GRIK1: variants seen among roughly 807,000 people sequenced by gnomAD.
The protein encoded by GRIK1 is glutamate receptor ionotropic, kainate 1.
Under a neutral mutation model 105.7 loss-of-function variants are expected in GRIK1, and 69 were observed. The ratio of observed to expected loss-of-function variants is 0.65; its 90% confidence interval spans 0.54 to 0.80. The LOEUF is 0.80. GRIK1 is among the 30% of genes least tolerant of loss of function. The pLI, the probability that GRIK1 is intolerant of heterozygous loss-of-function variation, is 0.00. For missense variants in GRIK1, 1,109 were observed against 1,167.3 expected, an observed-to-expected ratio of 0.95 and a Z score of 0.73; for synonymous variants, 438 against 431.3, an observed-to-expected ratio of 1.02 and a Z score of -0.19.
At chr21:29,897,295 A>G (rs1373196944) in intron 1 of GRIK1, among the ~76,000 whole-genome samples, 1 of 152,240 alleles carries the variant, frequency 6.6e-6, no homozygotes, top group Non-Finnish European at 1.5e-5. Context: ...ACAAAGAACC[A>G]TTGATCCTGA....
intron 1 of GRIK1, among the ~76,000 whole-genome samples, chr21:29,823,135 A>G (rs1307422370): frequency 6.6e-6 from 1 of 152,028 alleles, no homozygotes; most frequent in Non-Finnish European, 1.5e-5. Context: ...ATGAAATAAA[A>G]TATGCGAACA....
At chr21:29,862,651 G>C (rs1355982871) in intron 1 of GRIK1, among the ~76,000 whole-genome samples, 1 of 152,120 alleles carries the variant, frequency 6.6e-6, no homozygotes, top group Non-Finnish European at 1.5e-5. Context: ...TCATCGCTTT[G>C]TGCAGGTGTA....
chr21:29,689,765 G>A lies in GRIK1; in HGVS notation c.507C>T (p.Asn169=), dbSNP rs763683344. The change falls in exon 3 of 18, where the codon AAC becomes AAT. Residue 169 remains asparagine, a synonymous_variant. Transcript: ENST00000327783. ...RAILDLVLYY[N]WKTVTVVYED... ...CATACACCACTGTCACTGTTTTCCA[G>A]TTGTAATAGAGGACCAGATCCAGGA... 1 of 1,613,922 alleles carries A rather than the reference G, an allele frequency of 6.2e-7. No individual in the cohort carries two copies. The highest frequency in any genetic ancestry group is 8.5e-7 in the Non-Finnish European group (1 of 1,179,824).
intron 1 of GRIK1, among the ~76,000 whole-genome samples, chr21:29,841,919 A>G (rs1245178647): frequency 6.6e-6 from 1 of 152,158 alleles, no homozygotes; most frequent in South Asian, 2.1e-4. Flanking sequence ...TCAAATCTCT[A>G]TAAATACATT....
In GRIK1 at chr21:29,537,187, G is replaced by T. The variant is rs762879553; in HGVS notation, c.*43C>A. 1 of 1,452,846 alleles carries T rather than the reference G, an allele frequency of 6.9e-7. No homozygotes were observed. The highest frequency in any genetic ancestry group is 9.3e-7 in the Non-Finnish European group (1 of 1,076,214). The allele number at this position is 1,452,846 out of a possible 1,614,324, so 90.0% of individuals were successfully genotyped here. A position where few individuals can be genotyped will look rare whatever the true frequency, so the allele number is the denominator to read the frequency against. ...TCAGAAATCCTTTCTCCAAAAATCT[G>T]TAGGGAATGCATCCTTTTTCTTCCT... is the stretch of plus-strand genomic sequence containing the variant. On this transcript the variant is annotated 3_prime_UTR_variant, in exon 18 of 18. Transcript: ENST00000327783.
At chr21:29,705,512 T>C (rs143023024) in intron 1 of GRIK1, among the ~76,000 whole-genome samples, 29 of 152,360 alleles carry the variant, frequency 1.9e-4, no homozygotes, top group Non-Finnish European at 3.4e-4. Context: ...AAACACTTTT[T>C]GAAAAGTTTG....
intron 4 of GRIK1, among the ~76,000 whole-genome samples, chr21:29,671,239 C>T (rs747456349): frequency 3.3e-5 from 5 of 152,024 alleles, no homozygotes; most frequent in Non-Finnish European, 4.4e-5. Flanking sequence ...TCTCCTGCCT[C>T]AGCCTCCCAT....
intron 1 of GRIK1, among the ~76,000 whole-genome samples, chr21:29,773,816 T>C (rs441426): frequency 0.66 from 100,108 of 152,118 alleles, 34,656 homozygotes; most frequent in Non-Finnish European, 0.76. Flanking sequence ...GGCTTGCATG[T>C]ATTTTGTGGA....
chr21:29,907,766 T>C (rs1275261437), intron 1 of GRIK1, among the ~76,000 whole-genome samples: 1 of 152,148 alleles, frequency 6.6e-6, no homozygotes, highest in Non-Finnish European at 1.5e-5. Flanking sequence ...CATAATATGC[T>C]AGTGAATTAA....
rs1229643688 is a variant in GRIK1 at position 29,713,166 on chromosome 21, G to A, written c.119-19103C>T. Among the ~76,000 whole-genome samples the A allele has an allele frequency of 2.6e-5, 4 of 152,196 alleles. No homozygotes were observed. The South Asian group carries it at 8.3e-4, about 32-fold the overall frequency. On this transcript the variant is annotated intron_variant, in intron 1 of 17. Transcript: ENST00000327783. ...AGAGAAATAGAGGGAGCTATATCCA[G>A]TGATAAGAGTGAAGGAGATGCAGAG...
intron 3 of GRIK1, among the ~76,000 whole-genome samples, chr21:29,685,442 GT>G (rs3838081): frequency 1.3e-5 from 2 of 151,576 alleles, no homozygotes; most frequent in African/African-American, 2.4e-5. Flanking sequence ...CAGAATAGGA[GT>G]TTTTTTTGTT....
chr21:29,874,117 C>CCACT (rs2069113104), intron 1 of GRIK1, among the ~76,000 whole-genome samples: 1 of 152,170 alleles, frequency 6.6e-6, no homozygotes, highest in Non-Finnish European at 1.5e-5. Context: ...CACTCGCCTG[C>CCACT]CACTCACTGA....
At chr21:29,606,010 A>T (rs1354411644) in intron 7 of GRIK1, among the ~76,000 whole-genome samples, 1 of 120,450 alleles carries the variant, frequency 8.3e-6, no homozygotes, top group Admixed American at 8.0e-5. Flanking sequence ...AAAAACTTGA[A>T]AATGAAGCAA....
chr21:29,932,852 T>C (rs1266689670), intron 1 of GRIK1, among the ~76,000 whole-genome samples: 1 of 151,702 alleles, frequency 6.6e-6, no homozygotes, highest in Non-Finnish European at 1.5e-5. Flanking sequence ...ATTACATTCC[T>C]GGAAAAGATA....
At chr21:29,701,776 G>T (rs752267191) in intron 1 of GRIK1, among the ~76,000 whole-genome samples, 1 of 152,192 alleles carries the variant, frequency 6.6e-6, no homozygotes, top group South Asian at 2.1e-4. Flanking sequence ...GGTGAGAGAT[G>T]ATGATGGCTT....
At chr21:29,854,119 G>A (rs1223872569) in intron 1 of GRIK1, among the ~76,000 whole-genome samples, 1 of 152,108 alleles carries the variant, frequency 6.6e-6, no homozygotes, top group Admixed American at 6.5e-5. Context: ...GAAGCATGAT[G>A]CCTTCTGGTG....
intron 1 of GRIK1, among the ~76,000 whole-genome samples, chr21:29,814,896 G>A (rs1013950979): frequency 6.6e-6 from 1 of 152,090 alleles, no homozygotes; most frequent in African/African-American, 2.4e-5. Context: ...AGAAAGTCTT[G>A]TTTCAAAGCT....
chr21:29,918,660 GTAAC>G (rs756999384), intron 1 of GRIK1, among the ~76,000 whole-genome samples: 2 of 151,926 alleles, frequency 1.3e-5, no homozygotes, highest in East Asian at 1.9e-4. Context: ...CTATGCTCTG[GTAAC>G]TAACAGAAAA....
intron 1 of GRIK1, among the ~76,000 whole-genome samples, chr21:29,884,461 C>A (rs1050290496): frequency 6.6e-6 from 1 of 151,916 alleles, no homozygotes; most frequent in African/African-American, 2.4e-5. Flanking sequence ...CTCCCACCCC[C>A]GACTCTTTGT....
Sources: allele counts gnomAD v4.1 joint callset (sites outside exome capture counted in the v4.1 genomes callset), GRCh38; gene constraint gnomAD v4.1.1; transcripts MANE v1.5; gene names NCBI Gene and HGNC (gene_info 2026-07-23, HGNC 2026-07-21).